The following VEPH1 variants were observed in gnomAD, a reference collection of about 807,000 sequenced individuals.
VEPH1 encodes the protein ventricular zone expressed PH domain containing 1.
A neutral mutation model predicts 85.2 loss-of-function variants in VEPH1; 80 were observed. The observed-to-expected ratio is 0.94, with a 90% CI of 0.78 to 1.13. VEPH1 has a LOEUF of 1.13. Among genes scored for constraint, VEPH1 ranks in the 50% most tolerant of loss-of-function variants. The probability of loss-of-function intolerance (pLI) is 0.00; values close to 1 mark genes in which losing one functional copy is unlikely to be tolerated. For missense variants in VEPH1, 955 were observed against 980.5 expected (o/e 0.97, Z 0.35); for synonymous variants, 297 against 348.0 (o/e 0.85, Z 1.63).
intron 4 of VEPH1, chr3:157,442,834 C>T (rs1286959939): frequency 1.9e-6 from 3 of 1,614,096 alleles, no homozygotes; most frequent in African/African-American, 1.3e-5. Context: ...GGGAGACTCA[C>T]AGGCTTCAAT....
At chr3:157,369,633 G>T (rs1727257811) in intron 7 of VEPH1, among the ~76,000 whole-genome samples, 1 of 152,152 alleles carries the variant, frequency 6.6e-6, no homozygotes, top group Non-Finnish European at 1.5e-5. Flanking sequence ...CAGGGAGGTA[G>T]GACAAATTTC....
chr3:157,411,258 G>A (rs1341093882), intron 6 of VEPH1, among the ~76,000 whole-genome samples: 2 of 152,124 alleles, frequency 1.3e-5, no homozygotes, highest in African/African-American at 4.8e-5. Context: ...TCTAGACTTC[G>A]TTATGTGTAA....
At chr3:157,455,128 T>A (rs981010303) in intron 4 of VEPH1, among the ~76,000 whole-genome samples, 10 of 152,168 alleles carry the variant, frequency 6.6e-5, no homozygotes, top group African/African-American at 2.4e-4. Context: ...AATTGCTGGG[T>A]CAAATAATAG....
intron 5 of VEPH1, among the ~76,000 whole-genome samples, chr3:157,428,054 A>G (rs1330543120): frequency 1.3e-5 from 2 of 152,326 alleles, no homozygotes; most frequent in East Asian, 1.9e-4. Context: ...CAGCTCTCCA[A>G]TTCTCAGGCT....
chr3:157,351,917 C>G (rs578177137), intron 9 of VEPH1, among the ~76,000 whole-genome samples: 3 of 152,316 alleles, frequency 2.0e-5, no homozygotes, highest in Admixed American at 6.5e-5. Context: ...CACCCACTCC[C>G]AAGCTGTGAC....
At position 157,271,489 on chromosome 3, in the gene VEPH1, G is replaced by A. The variant is rs149650305; in HGVS notation, c.2129-5827C>T. Among the ~76,000 whole-genome samples, 496 of 152,264 alleles carry A rather than the reference G, an allele frequency of 3.3e-3. 1 individual carries two copies. The highest frequency in any genetic ancestry group is 0.011 in the African/African-American group (458 of 41,560). On this transcript the variant is annotated intron_variant, in intron 12 of 13. Transcript: ENST00000362010. ...AACCATGCAGGCCTAACACTCCTCCGCCTGAAGAGGAAAGGGCAGAGAACA... is the reference window on the plus strand; with the variant it reads ...AACCATGCAGGCCTAACACTCCTCCACCTGAAGAGGAAAGGGCAGAGAACA...
intron 12 of VEPH1, among the ~76,000 whole-genome samples, chr3:157,278,914 G>C (rs921901650): frequency 5.9e-5 from 9 of 152,140 alleles, no homozygotes; most frequent in African/African-American, 2.2e-4. Context: ...GCTGGGGAGT[G>C]GTGCATGCTT....
chr3:157,409,346 G>T (rs1356864479), intron 6 of VEPH1, among the ~76,000 whole-genome samples: 1 of 152,076 alleles, frequency 6.6e-6, no homozygotes, highest in Non-Finnish European at 1.5e-5. Flanking sequence ...GAGAAATGGA[G>T]CAAATCCTGG....
chr3:157,484,043 T>C (rs1285670915), intron 2 of VEPH1, among the ~76,000 whole-genome samples: 1 of 152,042 alleles, frequency 6.6e-6, no homozygotes. Context: ...CATGTAATAG[T>C]GAAACCATAG....
intron 12 of VEPH1, among the ~76,000 whole-genome samples, chr3:157,281,919 T>C (rs1244322439): frequency 1.3e-5 from 2 of 152,208 alleles, no homozygotes; most frequent in African/African-American, 4.8e-5. Flanking sequence ...ATTCATAGAC[T>C]CACAAGGCTA....
chr3:157,484,984 G>T (rs1343226423), intron 2 of VEPH1, among the ~76,000 whole-genome samples: 1 of 152,098 alleles, frequency 6.6e-6, no homozygotes, highest in Non-Finnish European at 1.5e-5. Flanking sequence ...TTATTATAGT[G>T]TAATAGGTAG....
intron 4 of VEPH1, chr3:157,437,173 C>G: frequency 7.1e-7 from 1 of 1,407,042 alleles, no homozygotes; most frequent in Non-Finnish European, 9.9e-7. Flanking sequence ...AAATTTATAG[C>G]TTGTTATGCA....
At chr3:157,296,351 C>T (rs143304745) in intron 11 of VEPH1, among the ~76,000 whole-genome samples, 3 of 152,288 alleles carry the variant, frequency 2.0e-5, no homozygotes, top group South Asian at 2.1e-4. Flanking sequence ...GCAGAGAACA[C>T]AGTTTAGTGA....
intron 2 of VEPH1, among the ~76,000 whole-genome samples, chr3:157,476,360 T>A (rs1737475145): frequency 6.6e-6 from 1 of 152,254 alleles, no homozygotes; most frequent in South Asian, 2.1e-4. Context: ...CCCACAGGGC[T>A]TAAGCCTGAT....
intron 11 of VEPH1, among the ~76,000 whole-genome samples, chr3:157,287,535 T>C (rs1445980115): frequency 6.6e-6 from 1 of 152,058 alleles, no homozygotes; most frequent in Non-Finnish European, 1.5e-5. Context: ...TATTACATAA[T>C]ATAAGCTACA....
At chr3:157,413,445 T>C in intron 6 of VEPH1, 2 of 984,844 alleles carry the variant, frequency 2.0e-6, no homozygotes, top group South Asian at 4.7e-5. Context: ...TCTAATTCTG[T>C]GCTTACTGAT....
At chr3:157,390,074 G>A (rs1729715625) in intron 6 of VEPH1, among the ~76,000 whole-genome samples, 1 of 152,088 alleles carries the variant, frequency 6.6e-6, no homozygotes, top group South Asian at 2.1e-4. Context: ...CCCAACTCAG[G>A]TGTGCAGATT....
intron 9 of VEPH1, among the ~76,000 whole-genome samples, chr3:157,343,582 G>A (rs962256917): frequency 2.0e-5 from 3 of 152,078 alleles, no homozygotes; most frequent in South Asian, 2.1e-4. Flanking sequence ...ATTCACAGCC[G>A]AATTCTACCA....
intron 2 of VEPH1, among the ~76,000 whole-genome samples, chr3:157,473,255 G>A (rs1737144908): frequency 6.6e-6 from 1 of 151,584 alleles, no homozygotes; most frequent in South Asian, 2.1e-4. Flanking sequence ...TGGATTTTTA[G>A]TAGAGACAGG....
Sources: allele counts gnomAD v4.1 joint callset (sites outside exome capture counted in the v4.1 genomes callset), GRCh38; gene constraint gnomAD v4.1.1; transcripts MANE v1.5; gene names NCBI Gene and HGNC (gene_info 2026-07-23, HGNC 2026-07-21).